The following CD58 variants were observed in gnomAD, a reference collection of about 807,000 sequenced individuals.
CD58 encodes lymphocyte function-associated antigen 3.
CD58 carries 14 observed loss-of-function variants against 27.6 expected under a neutral mutation model. The ratio of observed to expected loss-of-function variants is 0.51; its 90% CI spans 0.34 to 0.79. The LOEUF is 0.79. Ranked by LOEUF, CD58 falls within the 30% of genes least tolerant of loss-of-function variation. The pLI is 0.02. For synonymous variants in CD58, 117 were observed against 103.8 expected (o/e 1.13, Z -0.77); for missense variants, 268 against 301.7 (o/e 0.89, Z 0.83).
intron 2 of CD58, among the ~76,000 whole-genome samples, chr1:116,542,476 T>C (rs1213854497): frequency 6.6e-6 from 1 of 152,080 alleles, no homozygotes; most frequent in Non-Finnish European, 1.5e-5. Flanking sequence ...GAAAGCCTAT[T>C]TGGAGTGGGT....
At chr1:116,526,497 T>C (rs947170853) in intron 3 of CD58, among the ~76,000 whole-genome samples, 2 of 152,350 alleles carry the variant, frequency 1.3e-5, no homozygotes, top group African/African-American at 4.8e-5. Flanking sequence ...CAGTTGACCA[T>C]ATTTATGTTG....
chr1:116,559,153 G>A lies in CD58; in HGVS notation c.70+11750C>T, dbSNP rs1658673556. Among the ~76,000 whole-genome samples, 1 of 152,168 alleles carries A rather than the reference G, an allele frequency of 6.6e-6. No individual in the cohort carries two copies. Among genetic ancestry groups the A allele is most frequent in the South Asian group, 2.1e-4 (1 of 4,822 alleles). On this transcript the variant is annotated intron_variant, in intron 1 of 5. Coordinates refer to ENST00000369489, the MANE Select transcript of CD58 (RefSeq NM_001779.3). This position sits in a 1 kb window ranked among gnomAD's most constrained non-coding sequence, Gnocchi z 4.4. ...GTAAGGAAAGGAGTTGGATGGCATG[G>A]GGGGCAGTCATAAGTTGGCATCTGA...
intron 1 of CD58, among the ~76,000 whole-genome samples, chr1:116,549,676 T>C (rs1387589506): frequency 6.6e-6 from 1 of 152,238 alleles, no homozygotes; most frequent in Admixed American, 6.5e-5. Context: ...TTTTCAGTCC[T>C]CTTATCTGGG....
Position 116,523,469 on chromosome 1 carries a change from G to A in CD58, c.629-1486C>T, listed in dbSNP as rs1657332070. On this transcript the variant is annotated intron_variant, in intron 3 of 5. Transcript: ENST00000369489. The surrounding 1 kb of genome is among the most constrained non-coding windows in gnomAD (Gnocchi z 4.4). ...ACACTTTCCTTTTATTAGGAACACA[G>A]GTGTGTTGGAGCAAATAGGCAGTCA... is the stretch of plus-strand genomic sequence containing the variant. Among the ~76,000 whole-genome samples, 3 of 152,162 alleles carry A rather than the reference G, an allele frequency of 2.0e-5. No homozygotes were observed. The South Asian group carries it at 6.2e-4, about 32-fold the overall frequency.
chr1:116,525,038 T>C (rs1180785224), intron 3 of CD58, among the ~76,000 whole-genome samples: 1 of 152,234 alleles, frequency 6.6e-6, no homozygotes, highest in East Asian at 1.9e-4. Context: ...GGTACATTTT[T>C]TAGAATTAAT....
chr1:116,544,425 C>T lies in CD58; in HGVS notation c.250G>A (p.Asp84Asn). The change falls in exon 2 of 6, where the codon GAC becomes AAC. Residue 84 changes from aspartate to asparagine, a missense_variant. Transcript: ENST00000369489. ...ATAGTGAGGCTACCTGACACAGTGT[C>T]TAAATAAACCCTATTTTTAAAAGAT... The part of the protein sequence containing the change: ...FSSFKNRVYL[D>N]TVSGSLTIYN... The T allele has an allele frequency of 6.2e-7, 1 of 1,613,832 alleles. No homozygotes were observed. Among genetic ancestry groups the T allele is most frequent in the Non-Finnish European group, 8.5e-7 (1 of 1,179,806 alleles).
At chr1:116,562,504 GGGGT>G (rs1658788104) in intron 1 of CD58, among the ~76,000 whole-genome samples, 1 of 152,016 alleles carries the variant, frequency 6.6e-6, no homozygotes, top group Non-Finnish European at 1.5e-5. Flanking sequence ...TTGTAGAGAT[GGGGT>G]GTATTAGTCC....
rs1222241054 is a variant in CD58 at position 116,541,007 on chromosome 1, C to T, written c.364+3304G>A. 1.3e-5 allele frequency among the ~76,000 whole-genome samples: 2 copies of T among 152,100 alleles called. No individual in the cohort carries two copies. The highest frequency in any genetic ancestry group is 2.4e-5 in the African/African-American group (1 of 41,396). ...TTATTTTTGTAGAGATGGAGTCTTG[C>T]TATGTTGCCTAGGATGGTCTTGAAC... On this transcript the variant is annotated intron_variant, in intron 2 of 5. Coordinates refer to ENST00000369489, the MANE Select transcript of CD58 (RefSeq NM_001779.3). The surrounding 1 kb of genome is among the most constrained non-coding windows in gnomAD (Gnocchi z 5.3).
chr1:116,533,579 C>G, intron 3 of CD58: 1 of 711,080 alleles, frequency 1.4e-6, no homozygotes, highest in Non-Finnish European at 2.7e-6. Flanking sequence ...CTTAGCATAT[C>G]TACATTTCTA....
chr1:116,533,728 G>T, intron 3 of CD58: 1 of 696,740 alleles, frequency 1.4e-6, no homozygotes, highest in Non-Finnish European at 2.7e-6. Context: ...GTGCCATTCT[G>T]ATTCCATATC....
chr1:116,553,320 T>G (rs909002069), intron 1 of CD58, among the ~76,000 whole-genome samples: 1 of 152,196 alleles, frequency 6.6e-6, no homozygotes. Flanking sequence ...AGTGTTTATC[T>G]TTTCTGGCTA....
chr1:116,565,266 G>T (rs960376737), intron 1 of CD58, among the ~76,000 whole-genome samples: 30 of 152,126 alleles, frequency 2.0e-4, no homozygotes, highest in African/African-American at 6.8e-4. Context: ...TTATCTACAG[G>T]ATCCAACCCT....
At chr1:116,547,929 G>A (rs575426817) in intron 1 of CD58, among the ~76,000 whole-genome samples, 1 of 152,244 alleles carries the variant, frequency 6.6e-6, no homozygotes. Context: ...GTGTACAGGT[G>A]TTCCCTTTTC....
In CD58 at chr1:116,514,821, A is replaced by C. The variant is rs376792396; in HGVS notation, c.745T>G (p.Ser249Ala). 5.1e-6 allele frequency: 8 copies of C among 1,558,996 alleles called. No individual in the cohort carries two copies. In the African/African-American group the frequency reaches 9.5e-5, roughly 19 times the overall value. ...TCATCTTCTGTTACCAATCAATTGG[A>C]GCTACAAAAAAAAATCATATTATTA... is the stretch of plus-strand genomic sequence containing the variant. ...KCDRKPDRTNSN is the reference protein window; with the variant it reads ...KCDRKPDRTNAN The change falls in exon 6 of 6, where the codon TCC (serine) becomes GCC (alanine). Residue 249 changes from serine to alanine, a missense_variant and splice_region_variant. Coordinates refer to ENST00000369489, the MANE Select transcript of CD58 (RefSeq NM_001779.3).
intron 1 of CD58, among the ~76,000 whole-genome samples, chr1:116,553,705 T>C (rs749102939): frequency 3.9e-5 from 6 of 152,152 alleles, no homozygotes; most frequent in Admixed American, 6.5e-5. Context: ...AGTACACAGG[T>C]CTGGGACTCA....
At chr1:116,556,264 A>G (rs1389076734) in intron 1 of CD58, among the ~76,000 whole-genome samples, 1 of 150,330 alleles carries the variant, frequency 6.7e-6, no homozygotes, top group Non-Finnish European at 1.5e-5. Context: ...AGAAAAAAAA[A>G]AAAAAAAAAA....
chr1:116,538,540 GC>G lies in CD58; in HGVS notation c.365-2313del, dbSNP rs1006132910. ...TGAAGCATTTCTCAAATTTTAAGGT[GC>G]CTAAGAATCACCAAGGGTGCTTGTT... On this transcript the variant is annotated intron_variant, in intron 2 of 5. Coordinates refer to ENST00000369489, the MANE Select transcript of CD58 (RefSeq NM_001779.3). The surrounding 1 kb of genome is among the most constrained non-coding windows in gnomAD (Gnocchi z 4.7). 1.3e-5 allele frequency among the ~76,000 whole-genome samples: 2 copies of G among 152,180 alleles called. No homozygotes were observed. The highest frequency in any genetic ancestry group is 4.8e-5 in the African/African-American group (2 of 41,436).
rs1162001719 is a variant in CD58 at position 116,533,169 on chromosome 1, T to G, written c.628+2796A>C. On this transcript the variant is annotated intron_variant, in intron 3 of 5. Coordinates refer to ENST00000369489, the MANE Select transcript of CD58 (RefSeq NM_001779.3). ...AGAGGCTAATACGAATTCAGAATCT[T>G]TATCCAGTGATTCTCCGTCCCCAGA... is the stretch of plus-strand genomic sequence containing the variant. The G allele has an allele frequency of 1.2e-5, 9 of 753,872 alleles. No homozygotes were observed. In the East Asian group the frequency reaches 2.3e-4, roughly 19 times the overall value. The allele number at this position is 753,872 out of a possible 1,614,324, so 46.7% of individuals were successfully genotyped here.
Position 116,519,191 on chromosome 1 carries a change from G to A in CD58, c.743+40C>T. ...AATGGGCATCTACAGCAGGGCTGCT[G>A]TTGTTCTGGCACAGAGTGCACAGCC... On this transcript the variant is annotated intron_variant, in intron 5 of 5. Coordinates refer to ENST00000369489, the MANE Select transcript of CD58 (RefSeq NM_001779.3). The surrounding 1 kb of genome is among the most constrained non-coding windows in gnomAD (Gnocchi z 4.7). 1.2e-6 allele frequency: 2 copies of A among 1,611,160 alleles called. No individual in the cohort carries two copies. The highest frequency in any genetic ancestry group is 1.7e-6 in the Non-Finnish European group (2 of 1,178,488).
Sources: gnomAD v4.1 joint callset for allele counts (sites outside exome capture counted in the v4.1 genomes callset) on GRCh38, gnomAD v4.1.1 for gene constraint, Gnocchi (gnomAD v3.1) non-coding constraint, MANE v1.5 for transcripts, NCBI Gene and HGNC (gene_info 2026-07-23, HGNC 2026-07-21) for gene names.